The following KDM1B variants were observed in gnomAD, a reference collection of about 807,000 sequenced individuals.
KDM1B encodes lysine demethylase 1B, also known as lysine-specific histone demethylase 2.
Under a neutral mutation model 107.4 loss-of-function variants are expected in KDM1B, and 63 were observed. The ratio of observed to expected loss-of-function variants is 0.59; its 90% confidence interval spans 0.48 to 0.72. KDM1B has a LOEUF of 0.72. KDM1B is among the 30% of genes least tolerant of loss of function. The pLI is 0.00. For missense variants in KDM1B, 749 were observed against 1,020.8 expected (o/e 0.73, Z 3.63); for synonymous variants, 363 against 363.9 (o/e 1.00, Z 0.03).
intron 7 of KDM1B, among the ~76,000 whole-genome samples, chr6:18,185,460 C>T (rs943528123): frequency 1.3e-5 from 2 of 152,182 alleles, no homozygotes; most frequent in Non-Finnish European, 2.9e-5. Context: ...TGCCACTATG[C>T]CTGGCTAATT....
At position 18,203,710 on chromosome 6, in the gene KDM1B, G is replaced by A. The variant is rs1788191619; in HGVS notation, c.1532-1827G>A. Among the ~76,000 whole-genome samples, 2 of 151,952 alleles carry A rather than the reference G, an allele frequency of 1.3e-5. No individual in the cohort carries two copies. Among genetic ancestry groups the A allele is most frequent in the Admixed American group, 1.3e-4 (2 of 15,252 alleles). The stretch of plus-strand genomic sequence containing the variant: ...TCTACTAATAATACAAAAATTAGTC[G>A]AGCATGGTGGTGCATGCCTGTAATC... On this transcript the variant is annotated intron_variant, in intron 14 of 21. Transcript: ENST00000650836. This position sits in a 1 kb window ranked among gnomAD's most constrained non-coding sequence, Gnocchi z 5.5.
At chr6:18,216,843 T>C (rs73366535) in intron 20 of KDM1B, among the ~76,000 whole-genome samples, 3,786 of 152,304 alleles carry the variant, frequency 0.025, 157 homozygotes, top group African/African-American at 0.086. Context: ...TAAATGAAAC[T>C]TTATCATAGG....
At position 18,200,583 on chromosome 6, in the gene KDM1B, T is replaced by C; in HGVS notation, c.1359+7T>C. 6.2e-7 allele frequency: 1 copy of C among 1,608,362 alleles called. No homozygotes were observed. Among genetic ancestry groups the C allele is most frequent in the Non-Finnish European group, 8.5e-7 (1 of 1,177,958 alleles). ...AGCATTAATGTGTGAACAAGTGAGT[T>C]TCTTTTAGCTTTGTGTTGTAGATAA... On this transcript the variant is annotated splice_region_variant and intron_variant, in intron 13 of 21. Coordinates refer to ENST00000650836, the MANE Select transcript of KDM1B (RefSeq NM_001364614.2). The surrounding 1 kb of genome is among the most constrained non-coding windows in gnomAD (Gnocchi z 4.3).
rs773315601 is a variant in KDM1B at position 18,205,555 on chromosome 6, A to C, written c.1550A>C (p.Tyr517Ser). 4 of 1,547,308 alleles carry C rather than the reference A, an allele frequency of 2.6e-6. No homozygotes were observed. In the East Asian group the frequency reaches 9.9e-5, roughly 38 times the overall value. Residue 517 changes from tyrosine (Y) to serine (S), a missense_variant, in exon 15 of 22, where the codon TAC (tyrosine) becomes TCC (serine). Transcript: ENST00000650836. This position sits in a 1 kb window ranked among gnomAD's most constrained non-coding sequence, Gnocchi z 5.7. ...VPLGEKIEEI[Y>S]KAFIKESGIQ... ...ATTACAGAAAAGATAGAAGAAATCT[A>C]CAAGGCATTTATTAAGGAATCTGGT... is the stretch of plus-strand genomic sequence containing the variant.
chr6:18,161,234 T>G, intron 3 of KDM1B, 93 bp from the exon 4 acceptor site: 1 of 1,196,892 alleles, frequency 8.4e-7, no homozygotes, highest in Non-Finnish European at 1.2e-6. Context: ...ACCTTCATGT[T>G]TAGAACTCAG....
intron 14 of KDM1B, among the ~76,000 whole-genome samples, chr6:18,202,156 T>C (rs1788074176): frequency 6.6e-6 from 1 of 151,876 alleles, no homozygotes; most frequent in Admixed American, 6.6e-5. Flanking sequence ...ATCCGAACAT[T>C]TGGGAGGTCA....
At chr6:18,217,039 G>C (rs1474789015) in intron 20 of KDM1B, among the ~76,000 whole-genome samples, 5 of 152,122 alleles carry the variant, frequency 3.3e-5, no homozygotes, top group Non-Finnish European at 7.4e-5. Context: ...TCCAACCTGT[G>C]ATCCTGAGAC....
intron 5 of KDM1B, among the ~76,000 whole-genome samples, chr6:18,163,976 C>T (rs1286480431): frequency 6.6e-6 from 1 of 152,106 alleles, no homozygotes; most frequent in Admixed American, 6.6e-5. Flanking sequence ...TATATATACA[C>T]ACACATACAT....
chr6:18,182,167 C>G (rs1385745273), intron 7 of KDM1B, among the ~76,000 whole-genome samples: 1 of 152,080 alleles, frequency 6.6e-6, no homozygotes, highest in Non-Finnish European at 1.5e-5. Context: ...TCTCACCTCA[C>G]CTTAGTTAAA....
At position 18,172,963 on chromosome 6, in the gene KDM1B, G is replaced by A. The variant is rs776202059; in HGVS notation, c.534+1484G>A. The stretch of plus-strand genomic sequence containing the variant: ...AAATTAGCCCAGTGTGGTGGCATGT[G>A]CTTGTAATCTCAGCTACTCGGGAGG... On this transcript the variant is annotated intron_variant, in intron 7 of 21. Coordinates refer to ENST00000650836, the MANE Select transcript of KDM1B (RefSeq NM_001364614.2). The surrounding 1 kb of genome is among the most constrained non-coding windows in gnomAD (Gnocchi z 5.2). Among the ~76,000 whole-genome samples, 33 of 151,892 alleles carry A rather than the reference G, an allele frequency of 2.2e-4. No individual in the cohort carries two copies. The highest frequency in any genetic ancestry group is 3.5e-4 in the Non-Finnish European group (24 of 68,012).
intron 10 of KDM1B, among the ~76,000 whole-genome samples, chr6:18,195,481 C>G (rs1582161838): frequency 1.3e-5 from 2 of 152,100 alleles, no homozygotes; most frequent in African/African-American, 2.4e-5. Context: ...CGCCTGTAGT[C>G]CCAGCACTTT....
intron 21 of KDM1B, among the ~76,000 whole-genome samples, chr6:18,218,406 A>G (rs1034319283): frequency 1.3e-5 from 2 of 152,154 alleles, no homozygotes; most frequent in Non-Finnish European, 2.9e-5. Context: ...TACAGGTGTG[A>G]GCCACCATGC....
chr6:18,202,433 G>C (rs1788099852), intron 14 of KDM1B, among the ~76,000 whole-genome samples: 1 of 151,998 alleles, frequency 6.6e-6, no homozygotes, highest in African/African-American at 2.4e-5. Context: ...AAAATCTTTT[G>C]GCTTTTGTAC....
Position 18,213,540 on chromosome 6 carries a change from T to A in KDM1B, c.1984-116T>A, listed in dbSNP as rs745401890. On this transcript the variant is annotated intron_variant, in intron 18 of 21. Coordinates refer to ENST00000650836, the MANE Select transcript of KDM1B (RefSeq NM_001364614.2). The surrounding 1 kb of genome is among the most constrained non-coding windows in gnomAD (Gnocchi z 5.9). The stretch of plus-strand genomic sequence containing the variant: ...AGAATGGAAAGAGCGGTATTTGGGG[T>A]TGTTCTTTCGGGCAGTGTCTTTGTT... The A allele has an allele frequency of 7.9e-5, 75 of 948,410 alleles. No individual in the cohort carries two copies. The highest frequency in any genetic ancestry group is 2.2e-4 in the Middle Eastern group (1 of 4,560). 58.7% of individuals were successfully genotyped at this position (948,410 alleles called of 1,614,324 possible).
At position 18,161,525 on chromosome 6, in the gene KDM1B, G is replaced by T. The variant is rs746160859; in HGVS notation, c.215+71G>T. 1.2e-5 allele frequency: 19 copies of T among 1,537,382 alleles called. No individual in the cohort carries two copies. The South Asian group carries it at 1.9e-4, about 15-fold the overall frequency. On this transcript the variant is annotated intron_variant, in intron 4 of 21. Coordinates refer to ENST00000650836, the MANE Select transcript of KDM1B (RefSeq NM_001364614.2). ...AGTTCTTTGTGGAAACATCATCCTT[G>T]TAGATAGTTTTCCTAAAGATAGATA...
Position 18,172,786 on chromosome 6 carries a change from T to C in KDM1B, c.534+1307T>C, listed in dbSNP as rs1230078170. On this transcript the variant is annotated intron_variant, in intron 7 of 21. Coordinates refer to ENST00000650836, the MANE Select transcript of KDM1B (RefSeq NM_001364614.2). The surrounding 1 kb of genome is among the most constrained non-coding windows in gnomAD (Gnocchi z 5.2). ...CTGTGCCTGGCCTATTCGTTTCTTATGAATAAAAACATATTAGGAGTGGTT... is the reference window on the plus strand; with the variant it reads ...CTGTGCCTGGCCTATTCGTTTCTTACGAATAAAAACATATTAGGAGTGGTT... 6.6e-6 allele frequency among the ~76,000 whole-genome samples: 1 copy of C among 152,116 alleles called. No individual in the cohort carries two copies. Among genetic ancestry groups the C allele is most frequent in the Non-Finnish European group, 1.5e-5 (1 of 68,020 alleles).
At chr6:18,198,858 T>C (rs1219001165) in intron 12 of KDM1B, among the ~76,000 whole-genome samples, 1 of 149,930 alleles carries the variant, frequency 6.7e-6, no homozygotes, top group East Asian at 2.0e-4. Flanking sequence ...TCAGCCTTCC[T>C]CTTATACTAA....
At chr6:18,169,493 T>C (rs1208512283) in intron 6 of KDM1B, among the ~76,000 whole-genome samples, 2 of 152,194 alleles carry the variant, frequency 1.3e-5, no homozygotes, top group Non-Finnish European at 2.9e-5. Flanking sequence ...CCCAAAGTTC[T>C]GGGATTATAG....
At chr6:18,165,904 G>T (rs966558743) in intron 5 of KDM1B, among the ~76,000 whole-genome samples, 1 of 152,120 alleles carries the variant, frequency 6.6e-6, no homozygotes, top group Non-Finnish European at 1.5e-5. Context: ...CAGAAGGATC[G>T]CTTGAGCTTG....
Sources: allele counts gnomAD v4.1 joint callset (sites outside exome capture counted in the v4.1 genomes callset), GRCh38; gene constraint gnomAD v4.1.1; non-coding constraint Gnocchi (gnomAD v3.1); transcripts MANE v1.5; gene names NCBI Gene and HGNC (gene_info 2026-07-23, HGNC 2026-07-21).